The following ZFR2 variants were observed in gnomAD, a reference collection of about 807,000 sequenced individuals.
ZFR2 encodes the protein zinc finger RNA-binding protein 2.
A neutral mutation model predicts 105.7 loss-of-function variants in ZFR2; 104 were observed. The observed-to-expected ratio is 0.98, with a 90% confidence interval of 0.84 to 1.16. The LOEUF is 1.16. Ranked by LOEUF, ZFR2 falls within the 50% of genes most tolerant of loss-of-function variation. The pLI is 0.00. For missense variants in ZFR2, 1,425 were observed against 1,355.5 expected, an observed-to-expected ratio of 1.05 and a Z score of -0.80; for synonymous variants, 634 against 597.7, an observed-to-expected ratio of 1.06 and a Z score of -0.89.
Position 3,838,695 on chromosome 19 carries a change from C to T in ZFR2, c.54-3712G>A, listed in dbSNP as rs1324007307. ...CGTCCCCGCTGCCTGCAAGTGGCTG[C>T]TCAGTGACACCCTGGGACGAGCCCT... On this transcript the variant is annotated intron_variant, in intron 1 of 18. Coordinates refer to ENST00000262961, the MANE Select transcript of ZFR2 (RefSeq NM_015174.2). The surrounding 1 kb of genome is among the most constrained non-coding windows in gnomAD (Gnocchi z 4.9). Among the ~76,000 whole-genome samples the T allele has an allele frequency of 1.3e-5, 2 of 152,216 alleles. No individual in the cohort carries two copies. The highest frequency in any genetic ancestry group is 4.8e-5 in the African/African-American group (2 of 41,456).
At position 3,825,296 on chromosome 19, in the gene ZFR2, T is replaced by G. The variant is rs2037936422; in HGVS notation, c.1147A>C (p.Ser383Arg). The change falls in exon 7 of 19, where the codon AGC (serine) becomes CGC (arginine). Residue 383 changes from serine to arginine, a missense_variant. Physicochemically the swap from Ser to Arg is moderately radical, Grantham distance 110. Transcript: ENST00000262961. The part of the protein sequence containing the change: ...EAKPTSPTGP[S>R]VCASSRPALA... ...GCTGGCCTGCTCGAGGCACACACGCTGGGGCCAGTGGGGGACGTGGGCTTG... is the reference window on the plus strand; with the variant it reads ...GCTGGCCTGCTCGAGGCACACACGCGGGGGCCAGTGGGGGACGTGGGCTTG... 6.3e-7 allele frequency: 1 copy of G among 1,577,446 alleles called. No homozygotes were observed. The highest frequency in any genetic ancestry group is 2.0e-5 in the Admixed American group (1 of 50,988).
At chr19:3,846,246 G>A (rs968869462) in intron 1 of ZFR2, among the ~76,000 whole-genome samples, 1 of 152,224 alleles carries the variant, frequency 6.6e-6, no homozygotes, top group African/African-American at 2.4e-5. Context: ...CACAGTGCTG[G>A]GATTACAGGC....
chr19:3,856,017 C>T lies in ZFR2; in HGVS notation c.53+12948G>A, dbSNP rs190078277. 2.6e-5 allele frequency among the ~76,000 whole-genome samples: 4 copies of T among 152,182 alleles called. No homozygotes were observed. In the East Asian group the frequency reaches 5.8e-4, roughly 22 times the overall value. ...GATGGGGCCTCTTTGGCGCTGTGCG[C>T]GGATGGAAATGGGGGCGAGAGCAGA... On this transcript the variant is annotated intron_variant, in intron 1 of 18. Coordinates refer to ENST00000262961, the MANE Select transcript of ZFR2 (RefSeq NM_015174.2).
intron 1 of ZFR2, among the ~76,000 whole-genome samples, chr19:3,853,352 A>T (rs2038262237): frequency 6.6e-6 from 1 of 152,160 alleles, no homozygotes; most frequent in Non-Finnish European, 1.5e-5. Context: ...CCCTGCCCTG[A>T]TCCCCTGAAA....
At chr19:3,815,302 C>G (rs1439754583) in intron 13 of ZFR2, among the ~76,000 whole-genome samples, 1 of 152,172 alleles carries the variant, frequency 6.6e-6, no homozygotes, top group Admixed American at 6.5e-5. Flanking sequence ...GATGGCCAAG[C>G]TGGTCTCGAA....
At chr19:3,852,607 C>A in intron 1 of ZFR2, 1 of 718,398 alleles carries the variant, frequency 1.4e-6, no homozygotes, top group Non-Finnish European at 2.6e-6. Flanking sequence ...GTGGTCTCCA[C>A]TTCTGGACTG....
intron 15 of ZFR2, 123 bp downstream of exon 15, chr19:3,811,149 G>A: frequency 1.0e-6 from 1 of 964,548 alleles, no homozygotes; most frequent in East Asian, 2.9e-5. Context: ...GCTGATGGCA[G>A]GCGTCCCGGT....
chr19:3,815,448 T>C (rs1406087150), intron 13 of ZFR2, among the ~76,000 whole-genome samples: 1 of 152,214 alleles, frequency 6.6e-6, no homozygotes, highest in Non-Finnish European at 1.5e-5. Flanking sequence ...GAGAAGAGTA[T>C]ATGAAAATTC....
chr19:3,811,786 G>C (rs1266034969), intron 14 of ZFR2, among the ~76,000 whole-genome samples: 1 of 144,884 alleles, frequency 6.9e-6, no homozygotes, highest in African/African-American at 2.6e-5. Flanking sequence ...TTAGAGACAG[G>C]GTCTCGCTCT....
At chr19:3,827,736 G>C (rs62132979) in intron 5 of ZFR2, 83 bp from the exon 6 acceptor site, 2 of 1,493,094 alleles carry the variant, frequency 1.3e-6, no homozygotes, top group Non-Finnish European at 1.8e-6. Context: ...CCGGCTTAGC[G>C]CGAGGGAACT....
intron 12 of ZFR2, among the ~76,000 whole-genome samples, chr19:3,818,256 G>A (rs551976345): frequency 2.2e-4 from 33 of 152,314 alleles, no homozygotes; most frequent in African/African-American, 7.7e-4. Flanking sequence ...GCTTGAGCCC[G>A]GGAGTTCAAG....
chr19:3,854,156 C>T (rs777660349), intron 1 of ZFR2, among the ~76,000 whole-genome samples: 2 of 150,696 alleles, frequency 1.3e-5, no homozygotes, highest in African/African-American at 2.4e-5. Context: ...TTTGGGAGGC[C>T]GAGGTGGGCA....
chr19:3,823,364 C>T lies in ZFR2; in HGVS notation c.1253G>A (p.Trp418Ter), dbSNP rs748990669. 1 of 1,613,620 alleles carries T rather than the reference C, an allele frequency of 6.2e-7. No individual in the cohort carries two copies. Among genetic ancestry groups the T allele is most frequent in the East Asian group, 2.2e-5 (1 of 44,878 alleles). Residue 418 changes from tryptophan to a stop codon, truncating the protein, a stop_gained, in exon 8 of 19, where the codon TGG becomes TAG. Transcript: ENST00000262961. LOFTEE classifies it high-confidence loss of function. The surrounding 1 kb of genome is among the most constrained non-coding windows in gnomAD (Gnocchi z 5.4). ...EPQAAGCRPQ[W>*]GKPAQPKLEG... ...TAATTTAGGTTGGGCTGGTTTCCCC[C>T]ACTGGGGTCTGCAGCCTGCTGCCTG...
chr19:3,810,149 G>C (rs1490249571), intron 16 of ZFR2, among the ~76,000 whole-genome samples: 1 of 152,144 alleles, frequency 6.6e-6, no homozygotes, highest in Non-Finnish European at 1.5e-5. Flanking sequence ...TCCAGCATGA[G>C]ATGGGGGACG....
rs547501058 is a variant in ZFR2, at chr19:3,821,242, C to T, written c.1631+98G>A. ...TCCCCCCACTGCTCGAGAGCTCACA[C>T]GGAGGAGCTCCGTAATCTGCAGCAG... On this transcript the variant is annotated intron_variant, in intron 10 of 18. Transcript: ENST00000262961. 103 of 1,388,170 alleles carry T rather than the reference C, an allele frequency of 7.4e-5. No individual in the cohort carries two copies. The African/African-American group carries it at 9.5e-4, about 13-fold the overall frequency. The allele number at this position is 1,388,170 out of a possible 1,614,324, so 86.0% of individuals were successfully genotyped here. A position where few individuals can be genotyped will look rare whatever the true frequency, so the allele number is the denominator to read the frequency against.
intron 3 of ZFR2, among the ~76,000 whole-genome samples, chr19:3,833,386 C>A (rs1298817976): frequency 6.6e-6 from 1 of 152,012 alleles, no homozygotes; most frequent in Admixed American, 6.6e-5. Flanking sequence ...ACCATCCTGG[C>A]TAATACTGTG....
At chr19:3,835,116 A>G in intron 1 of ZFR2, 133 bp from the exon 2 acceptor site, 1 of 1,020,294 alleles carries the variant, frequency 9.8e-7, no homozygotes, top group Non-Finnish European at 1.5e-6. Flanking sequence ...CTAGGAGCCC[A>G]GGCACGGCCG....
intron 12 of ZFR2, 43 bp downstream of exon 12, chr19:3,819,002 C>T (rs1282567706): frequency 6.3e-7 from 1 of 1,592,256 alleles, no homozygotes; most frequent in African/African-American, 1.3e-5. Flanking sequence ...TGACCTCTGT[C>T]CTGGCTGAGA....
intron 1 of ZFR2, among the ~76,000 whole-genome samples, chr19:3,853,942 G>C (rs1193113329): frequency 1.3e-5 from 2 of 151,764 alleles, no homozygotes; most frequent in Non-Finnish European, 2.9e-5. Flanking sequence ...AAATTGGCCA[G>C]GCACAGTGGT....
Sources: allele counts gnomAD v4.1 joint callset (sites outside exome capture counted in the v4.1 genomes callset), GRCh38; gene constraint gnomAD v4.1.1; non-coding constraint Gnocchi (gnomAD v3.1); transcripts MANE v1.5; gene names NCBI Gene and HGNC (gene_info 2026-07-23, HGNC 2026-07-21).